XXYLT1: variants seen among roughly 807,000 people sequenced by gnomAD.
XXYLT1 encodes xyloside xylosyltransferase 1.
A neutral mutation model predicts 28.9 loss-of-function variants in XXYLT1; 20 were observed. That is an observed-to-expected ratio of 0.69 (90% CI 0.49 to 1.00). The LOEUF is 1.00. Among genes scored for constraint, XXYLT1 ranks in the 50% least tolerant of loss-of-function variants. The pLI is 0.00. For synonymous variants in XXYLT1, 257 were observed against 253.8 expected, an observed-to-expected ratio of 1.01 and a Z score of -0.12; for missense variants, 542 against 560.1, an observed-to-expected ratio of 0.97 and a Z score of 0.33.
chr3:195,232,431 G>C (rs541433733), intron 1 of XXYLT1, among the ~76,000 whole-genome samples: 1 of 151,740 alleles, frequency 6.6e-6, no homozygotes, highest in South Asian at 2.1e-4. Context: ...ACTAACTTTG[G>C]GTTTGGTTTG....
chr3:195,134,541 T>C (rs1719068348), intron 3 of XXYLT1: 2 of 155,816 alleles, frequency 1.3e-5, no homozygotes, highest in African/African-American at 4.8e-5. Flanking sequence ...AGGCTACCCC[T>C]ATACCATACA....
At chr3:195,206,530 A>T (rs989638166) in intron 2 of XXYLT1, among the ~76,000 whole-genome samples, 1 of 151,920 alleles carries the variant, frequency 6.6e-6, no homozygotes, top group African/African-American at 2.4e-5. Context: ...GCACTTTGGG[A>T]GGTCGCGGTG....
intron 3 of XXYLT1, among the ~76,000 whole-genome samples, chr3:195,088,032 C>A (rs574542592): frequency 6.6e-6 from 1 of 152,090 alleles, no homozygotes; most frequent in South Asian, 2.1e-4. Context: ...CTCGGAGGGT[C>A]CTACCCCACG....
intron 2 of XXYLT1, among the ~76,000 whole-genome samples, chr3:195,171,490 C>T (rs900199710): frequency 6.6e-6 from 1 of 152,186 alleles, no homozygotes; most frequent in African/African-American, 2.4e-5. Flanking sequence ...TTCCTACACG[C>T]CTGCATGAAC....
At chr3:195,094,378 T>C (rs1716297925) in intron 3 of XXYLT1, among the ~76,000 whole-genome samples, 1 of 152,108 alleles carries the variant, frequency 6.6e-6, no homozygotes, top group Admixed American at 6.5e-5. Context: ...CACCTCGCCC[T>C]TTGCCCAAGA....
At chr3:195,148,805 A>G (rs1720018332) in intron 3 of XXYLT1, among the ~76,000 whole-genome samples, 1 of 152,238 alleles carries the variant, frequency 6.6e-6, no homozygotes, top group African/African-American at 2.4e-5. Flanking sequence ...CTATGAGCTC[A>G]TATAACTCTC....
intron 3 of XXYLT1, among the ~76,000 whole-genome samples, chr3:195,107,239 C>T (rs990513392): frequency 4.0e-5 from 6 of 151,618 alleles, no homozygotes; most frequent in Non-Finnish European, 8.8e-5. Context: ...TTTTGGAGGC[C>T]GAGGCGGGCG....
At chr3:195,194,727 G>T (rs145534627) in intron 2 of XXYLT1, among the ~76,000 whole-genome samples, 83 of 152,232 alleles carry the variant, frequency 5.5e-4, no homozygotes, top group African/African-American at 1.9e-3. Flanking sequence ...GTAACAAATT[G>T]AAAGGAATAA....
chr3:195,177,898 GC>G (rs1721751212), intron 2 of XXYLT1, among the ~76,000 whole-genome samples: 1 of 146,108 alleles, frequency 6.8e-6, no homozygotes, highest in South Asian at 2.1e-4. Context: ...TCATGCCACC[GC>G]ACTCCAGCCT....
At chr3:195,229,913 A>T (rs1165323394) in intron 1 of XXYLT1, among the ~76,000 whole-genome samples, 1 of 152,146 alleles carries the variant, frequency 6.6e-6, no homozygotes, top group Non-Finnish European at 1.5e-5. Context: ...TAGCAGTGGG[A>T]TTGCAGGATC....
intron 3 of XXYLT1, among the ~76,000 whole-genome samples, chr3:195,098,404 T>G (rs1716573894): frequency 6.6e-6 from 1 of 151,830 alleles, no homozygotes; most frequent in Admixed American, 6.6e-5. Context: ...ATACAAAAAA[T>G]TAGCCGGGCG....
rs575974335 is a variant in XXYLT1 at position 195,124,038 on chromosome 3, G to A, written c.785+32411C>T. Among the ~76,000 whole-genome samples, 4 of 152,374 alleles carry A rather than the reference G, an allele frequency of 2.6e-5. No individual in the cohort carries two copies. Among genetic ancestry groups the A allele is most frequent in the Admixed American group, 2.6e-4 (4 of 15,308 alleles). ...ACTTCAGGACTTCTAGGAGCCTTTA[G>A]TGTGCTCCGTGAATCTAGAAGAGGG... On this transcript the variant is annotated intron_variant, in intron 3 of 3. Coordinates refer to ENST00000310380, the MANE Select transcript of XXYLT1 (RefSeq NM_152531.5). This position sits in a 1 kb window ranked among gnomAD's most constrained non-coding sequence, Gnocchi z 4.1.
chr3:195,194,908 G>C (rs1206813084), intron 2 of XXYLT1, among the ~76,000 whole-genome samples: 1 of 152,150 alleles, frequency 6.6e-6, no homozygotes, highest in Non-Finnish European at 1.5e-5. Flanking sequence ...GGCTAGGGTA[G>C]GAGCAGAGAT....
Position 195,168,978 on chromosome 3 carries a change from A to T in XXYLT1, c.653-12397T>A, listed in dbSNP as rs759081042. Among the ~76,000 whole-genome samples the T allele has an allele frequency of 2.3e-4, 35 of 152,214 alleles. No homozygotes were observed. Among genetic ancestry groups the T allele is most frequent in the Admixed American group, 2.0e-4 (3 of 15,280 alleles). Reference sequence around the variant, plus strand: ...TGCAGTTACCTACTTCTGGGAAACAAATCACTCCAAAACCTAGTGGCTTAA... The same window carrying T: ...TGCAGTTACCTACTTCTGGGAAACATATCACTCCAAAACCTAGTGGCTTAA... On this transcript the variant is annotated intron_variant, in intron 2 of 3. Transcript: ENST00000310380. This position sits in a 1 kb window ranked among gnomAD's most constrained non-coding sequence, Gnocchi z 4.3.
chr3:195,167,018 C>A (rs1323357025), intron 2 of XXYLT1, among the ~76,000 whole-genome samples: 1 of 152,172 alleles, frequency 6.6e-6, no homozygotes. Context: ...TCTGGGTTTG[C>A]CTGATGTTTC....
chr3:195,111,111 T>C (rs1024237541), intron 3 of XXYLT1, among the ~76,000 whole-genome samples: 14 of 152,104 alleles, frequency 9.2e-5, no homozygotes, highest in African/African-American at 3.1e-4. Flanking sequence ...CCGAGCCTGT[T>C]CCAGGCCGCT....
intron 3 of XXYLT1, among the ~76,000 whole-genome samples, chr3:195,084,668 G>A (rs1715624575): frequency 6.6e-6 from 1 of 152,170 alleles, no homozygotes. Flanking sequence ...GTATTTTAGT[G>A]AGTTAAACCA....
At position 195,197,002 on chromosome 3, in the gene XXYLT1, T is replaced by C. The variant is rs556382257; in HGVS notation, c.652+29707A>G. 8.5e-5 allele frequency among the ~76,000 whole-genome samples: 13 copies of C among 152,288 alleles called. No individual in the cohort carries two copies. The East Asian group carries it at 2.1e-3, about 25-fold the overall frequency. On this transcript the variant is annotated intron_variant, in intron 2 of 3. Coordinates refer to ENST00000310380, the MANE Select transcript of XXYLT1 (RefSeq NM_152531.5). ...TACCTCACAGCATAACCACCCTGGA[T>C]AGGAAAAAATCAATATGCACCGAGG...
chr3:195,116,610 A>G (rs1309589718), intron 3 of XXYLT1, among the ~76,000 whole-genome samples: 2 of 152,056 alleles, frequency 1.3e-5, no homozygotes, highest in African/African-American at 4.8e-5. Context: ...CCGGCTTGCA[A>G]CTCTATTTCC....
Sources: gnomAD v4.1 joint callset for allele counts (sites outside exome capture counted in the v4.1 genomes callset) on GRCh38, gnomAD v4.1.1 for gene constraint, Gnocchi (gnomAD v3.1) non-coding constraint, MANE v1.5 for transcripts, NCBI Gene and HGNC (gene_info 2026-07-23, HGNC 2026-07-21) for gene names.